PCDH7: variants seen among roughly 807,000 people sequenced by gnomAD.
PCDH7 encodes protocadherin-7.
In PCDH7, 17 loss-of-function variants were observed where a neutral mutation model predicts 58.9. The ratio of observed to expected loss-of-function variants is 0.29; its 90% CI spans 0.20 to 0.43. PCDH7 has a LOEUF of 0.43. Ranked by LOEUF, PCDH7 falls within the 20% of genes least tolerant of loss-of-function variation. The pLI, the probability that PCDH7 is intolerant of heterozygous loss-of-function variation, is 1.00. For synonymous variants in PCDH7, 664 were observed against 616.4 expected, an observed-to-expected ratio of 1.08 and a Z score of -1.14; for missense variants, 1,274 against 1,441.0, an observed-to-expected ratio of 0.88 and a Z score of 1.88.
intron 3 of PCDH7, among the ~76,000 whole-genome samples, chr4:30,989,791 T>C (rs1751301223): frequency 6.6e-6 from 1 of 151,948 alleles, no homozygotes; most frequent in African/African-American, 2.4e-5. Flanking sequence ...CTGACACCCT[T>C]CCCCACCAAA....
chr4:31,133,937 T>C (rs2109339365), intron 3 of PCDH7, among the ~76,000 whole-genome samples: 1 of 152,328 alleles, frequency 6.6e-6, no homozygotes, highest in Admixed American at 6.5e-5. Context: ...CTTTCAGACA[T>C]GTTTAAACAT....
chr4:30,835,751 C>G (rs1431481041), intron 1 of PCDH7, among the ~76,000 whole-genome samples: 1 of 152,104 alleles, frequency 6.6e-6, no homozygotes, highest in Admixed American at 6.6e-5. Context: ...CTAATAATAT[C>G]CCTTCTACCT....
At chr4:30,756,738 C>A (rs1471044410) in intron 1 of PCDH7, among the ~76,000 whole-genome samples, 2 of 152,180 alleles carry the variant, frequency 1.3e-5, no homozygotes, top group African/African-American at 4.8e-5. Flanking sequence ...CCCATTAGTT[C>A]TTGCTTAGAT....
chr4:31,068,396 G>A (rs1233495950), intron 3 of PCDH7, among the ~76,000 whole-genome samples: 3 of 151,870 alleles, frequency 2.0e-5, no homozygotes, highest in Admixed American at 6.6e-5. Flanking sequence ...AAAAATTCCC[G>A]CACAGCAAGA....
Position 30,765,358 on chromosome 4 carries a change from G to A in PCDH7, c.70+40762G>A, listed in dbSNP as rs554541687. On this transcript the variant is annotated intron_variant, in intron 1 of 3. Transcript: ENST00000509759. ...TATGCATAATGTTCATGGCCTTGCC[G>A]CCTGGAATAGAGGCTGTTAATTGTC... 2.6e-5 allele frequency among the ~76,000 whole-genome samples: 4 copies of A among 152,054 alleles called. No homozygotes were observed. The East Asian group carries it at 7.8e-4, about 30-fold the overall frequency.
chr4:31,066,626 TCA>T (rs2109245985), intron 3 of PCDH7, among the ~76,000 whole-genome samples: 1 of 152,020 alleles, frequency 6.6e-6, no homozygotes, highest in South Asian at 2.1e-4. Flanking sequence ...CTTTGGAATT[TCA>T]CTCTGGTATT....
chr4:30,814,309 A>G (rs1157221722), intron 1 of PCDH7, among the ~76,000 whole-genome samples: 1 of 152,022 alleles, frequency 6.6e-6, no homozygotes, highest in African/African-American at 2.4e-5. Flanking sequence ...TTTGACAATT[A>G]TTTTCATCAT....
chr4:30,833,760 C>T lies in PCDH7; in HGVS notation c.71-86393C>T, dbSNP rs144044339. Among the ~76,000 whole-genome samples the T allele has an allele frequency of 3.3e-5, 5 of 152,244 alleles. No individual in the cohort carries two copies. In the East Asian group the frequency reaches 9.7e-4, roughly 29 times the overall value. ...ACACGAGAGAGATCAGAACTTGAATCGCTTAAGAAACTGCGTTGTTACATG... is the reference window on the plus strand; with the variant it reads ...ACACGAGAGAGATCAGAACTTGAATTGCTTAAGAAACTGCGTTGTTACATG... On this transcript the variant is annotated intron_variant, in intron 1 of 3. Transcript: ENST00000509759.
intron 1 of PCDH7, among the ~76,000 whole-genome samples, chr4:30,828,991 A>G (rs1320939477): frequency 6.6e-6 from 1 of 152,128 alleles, no homozygotes; most frequent in Non-Finnish European, 1.5e-5. Context: ...CTGTTAGGAC[A>G]TGTTTTCCTT....
At chr4:30,869,531 G>A (rs1001421060) in intron 1 of PCDH7, among the ~76,000 whole-genome samples, 2 of 152,108 alleles carry the variant, frequency 1.3e-5, no homozygotes, top group African/African-American at 4.8e-5. Context: ...AGAACATGTG[G>A]TGTTAGGTTT....
At chr4:30,924,182 T>C (rs1690737331) in intron 2 of PCDH7, among the ~76,000 whole-genome samples, 2 of 152,170 alleles carry the variant, frequency 1.3e-5, no homozygotes. Flanking sequence ...CCCTCTAAAT[T>C]ATCTTTGCAA....
At chr4:30,998,765 G>A (rs1189571457) in intron 3 of PCDH7, among the ~76,000 whole-genome samples, 1 of 152,018 alleles carries the variant, frequency 6.6e-6, no homozygotes, top group Non-Finnish European at 1.5e-5. Flanking sequence ...AGAATAATCA[G>A]GAACAGCTAG....
Position 31,029,471 on chromosome 4 carries a change from A to G in PCDH7, c.*7+79256A>G, listed in dbSNP as rs73815161. 3.2e-3 allele frequency among the ~76,000 whole-genome samples: 487 copies of G among 152,192 alleles called. 2 individuals carry two copies. Among genetic ancestry groups the G allele is most frequent in the African/African-American group, 0.011 (470 of 41,510 alleles). ...AGTGGGTTCTGAGTGGAGCATGAAA[A>G]CCAGATATTTGCAGGCACAGCTGAA... is the stretch of plus-strand genomic sequence containing the variant. On this transcript the variant is annotated intron_variant, in intron 3 of 3. Transcript: ENST00000509759.
Position 30,721,321 on chromosome 4 carries a change from G to A in PCDH7, c.-102G>A. ...CCCTCTCGCTCCTTCCTTTCCGGGA[G>A]AGGGGAGAGGACTCGGGGGAGGGCA... On this transcript the variant is annotated 5_prime_UTR_variant, in exon 1 of 2. Coordinates refer to ENST00000361762, the Ensembl canonical transcript of PCDH7. This position sits in a 1 kb window ranked among gnomAD's most constrained non-coding sequence, Gnocchi z 6.7. 8.7e-7 allele frequency: 1 copy of A among 1,155,510 alleles called. No individual in the cohort carries two copies. The highest frequency in any genetic ancestry group is 2.8e-5 in the East Asian group (1 of 36,190). 71.6% of individuals were successfully genotyped at this position (1,155,510 alleles called of 1,614,324 possible). A position where few individuals can be genotyped will look rare whatever the true frequency, so the allele number is the denominator to read the frequency against.
At chr4:30,811,078 A>G (rs1009832291) in intron 1 of PCDH7, among the ~76,000 whole-genome samples, 6 of 152,180 alleles carry the variant, frequency 3.9e-5, no homozygotes, top group Admixed American at 6.5e-5. Context: ...GATTATTGCT[A>G]TTTGTCCATT....
At chr4:30,859,521 C>A (rs181706982) in intron 1 of PCDH7, among the ~76,000 whole-genome samples, 3 of 151,638 alleles carry the variant, frequency 2.0e-5, no homozygotes, top group Admixed American at 6.6e-5. Flanking sequence ...CTCACTGCAA[C>A]CTCCACCTCC....
In PCDH7 at chr4:30,928,431, G is replaced by A. The variant is rs117339329; in HGVS notation, c.287+8062G>A. On this transcript the variant is annotated intron_variant, in intron 2 of 3. Transcript: ENST00000509759. ...GGGGCAATTATATAGTGTCAAAGCT[G>A]TGTTTATTCATTTTGATTCAACAAA... Among the ~76,000 whole-genome samples, 1,061 of 152,236 alleles carry A rather than the reference G, an allele frequency of 7.0e-3. 16 individuals carry two copies. The highest frequency in any genetic ancestry group is 0.033 in the Admixed American group (511 of 15,292).
rs199642695 is a variant in PCDH7, at chr4:30,750,685, C to T, written c.70+26089C>T. ...ACTGTATGCCCTTATCCATTATGTG[C>T]ATTCATTAACTTACCAAGTTACTGA... is the stretch of plus-strand genomic sequence containing the variant. On this transcript the variant is annotated intron_variant, in intron 1 of 3. Coordinates refer to the PCDH7 transcript ENST00000509759. 5.3e-5 allele frequency among the ~76,000 whole-genome samples: 8 copies of T among 152,216 alleles called. No homozygotes were observed. In the East Asian group the frequency reaches 1.5e-3, roughly 29 times the overall value.
At chr4:30,724,075 G>T in exon 1 of PCDH7, 1 of 1,614,084 alleles carries the variant, frequency 6.2e-7, no homozygotes, top group Non-Finnish European at 8.5e-7. Flanking sequence ...CATTGGCGTG[G>T]TTGCTGGCAT....
Sources: gnomAD v4.1 joint callset for allele counts (sites outside exome capture counted in the v4.1 genomes callset) on GRCh38, gnomAD v4.1.1 for gene constraint, Gnocchi (gnomAD v3.1) non-coding constraint, MANE v1.5 for transcripts, NCBI Gene and HGNC (gene_info 2026-07-23, HGNC 2026-07-21) for gene names.